Variants in NCOA2 observed in about 807,000 individuals in gnomAD.
NCOA2 encodes class E basic helix-loop-helix protein 75.
A neutral mutation model predicts 145.1 loss-of-function variants in NCOA2; 21 were observed. That is an observed-to-expected ratio of 0.14 (90% confidence interval 0.10 to 0.21). The LOEUF (loss-of-function observed/expected upper bound fraction) is 0.21. Among genes scored for constraint, NCOA2 ranks in the 10% least tolerant of loss-of-function variants. NCOA2 has a pLI of 1.00. For missense variants in NCOA2, 1,472 were observed against 1,837.6 expected, an observed-to-expected ratio of 0.80 and a Z score of 3.64; for synonymous variants, 619 against 637.5, an observed-to-expected ratio of 0.97 and a Z score of 0.44.
chr8:70,217,552 A>G (rs1819742235), intron 2 of NCOA2, among the ~76,000 whole-genome samples: 1 of 152,092 alleles, frequency 6.6e-6, no homozygotes, highest in Admixed American at 6.6e-5. Flanking sequence ...AAGTCAGGGG[A>G]ACTTTACTGA....
intron 22 of NCOA2, among the ~76,000 whole-genome samples, chr8:70,118,533 G>A (rs981351601): frequency 4.6e-5 from 7 of 152,078 alleles, no homozygotes; most frequent in African/African-American, 1.2e-4. Context: ...AAGAGAAACC[G>A]CATGGAGAAT....
In NCOA2 at chr8:70,141,547, A is replaced by G. The variant is rs1031714333; in HGVS notation, c.2813-148T>C. The G allele has an allele frequency of 6.4e-5, 48 of 751,254 alleles. 1 individual carries two copies. Among genetic ancestry groups the G allele is most frequent in the Non-Finnish European group, 2.6e-5 (12 of 453,002 alleles). 46.5% of individuals were successfully genotyped at this position (751,254 alleles called of 1,614,324 possible). A position where few individuals can be genotyped will look rare whatever the true frequency, so the allele number is the denominator to read the frequency against. On this transcript the variant is annotated intron_variant, in intron 13 of 22. Transcript: ENST00000452400. The stretch of plus-strand genomic sequence containing the variant: ...AATGTTCTCATTGGGCAGATGTGGG[A>G]CCTTGGCTAAGAAATAACAATTGGC...
chr8:70,124,575 T>C lies in NCOA2; in HGVS notation c.4094+113A>G, dbSNP rs762272119. The C allele has an allele frequency of 4.0e-5, 44 of 1,105,560 alleles. 1 individual carries two copies. Among genetic ancestry groups the C allele is most frequent in the Non-Finnish European group, 5.5e-5 (44 of 801,380 alleles). 68.5% of individuals were successfully genotyped at this position (1,105,560 alleles called of 1,614,324 possible). ...GCGGTGACCTAGAAGCCATCCTTTATCACTACGTTTGATAAAAACAAACAG... is the reference window on the plus strand; with the variant it reads ...GCGGTGACCTAGAAGCCATCCTTTACCACTACGTTTGATAAAAACAAACAG... On this transcript the variant is annotated intron_variant, in intron 20 of 22. Coordinates refer to ENST00000452400, the MANE Select transcript of NCOA2 (RefSeq NM_006540.4).
At chr8:70,447,987 C>T in the NCOA2 span, among the ~76,000 whole-genome samples, 158 of 152,202 alleles carry the variant, frequency 1.0e-3, no homozygotes, top group African/African-American at 3.6e-3. Flanking sequence ...GCCTAGCCCC[C>T]GATCTGTTAA....
At chr8:70,401,629 G>C (rs986550899) in intron 1 of NCOA2, among the ~76,000 whole-genome samples, 1 of 152,058 alleles carries the variant, frequency 6.6e-6, no homozygotes, top group African/African-American at 2.4e-5. Context: ...CAAGAAACCA[G>C]TGAAGCCATT....
chr8:70,157,105 A>G lies in NCOA2; in HGVS notation c.1260T>C (p.Ser420=), dbSNP rs1399936232. 1.2e-6 allele frequency: 2 copies of G among 1,613,920 alleles called. No homozygotes were observed. The highest frequency in any genetic ancestry group is 1.7e-6 in the Non-Finnish European group (2 of 1,179,874). Residue 420 remains serine, a synonymous_variant, in exon 11 of 23, where the codon AGT becomes AGC. Transcript: ENST00000452400. The stretch of plus-strand genomic sequence containing the variant: ...CATTTATGGGAAAATTTATATTGCT[A>G]CTGAGGGTCATGTCCTGACCTGGGT... The part of the protein sequence containing the change: ...SGNPGQDMTL[S]SNINFPINGP...
intron 15 of NCOA2, among the ~76,000 whole-genome samples, chr8:70,133,306 C>T (rs973161333): frequency 6.7e-6 from 1 of 150,348 alleles, no homozygotes. Context: ...CATCCTTGAA[C>T]TCCTGGGCTA....
At chr8:70,362,865 C>T (rs917076523) in intron 1 of NCOA2, among the ~76,000 whole-genome samples, 4 of 151,686 alleles carry the variant, frequency 2.6e-5, no homozygotes, top group Non-Finnish European at 5.9e-5. Context: ...ACTGTTTAAG[C>T]CCAGGAGTTT....
At position 70,216,680 on chromosome 8, in the gene NCOA2, A is replaced by G; in HGVS notation, c.66T>C (p.Cys22=). The part of the protein sequence containing the change: ...SRAETRKRKE[C]PDQLGPSPKR... ...CTAACCTGGGTCCAAGTTGGTCAGG[A>G]CATTCCTTGCGCTTTCTTGTCTCTG... Residue 22 remains cysteine (C), a synonymous_variant, in exon 3 of 23, where the codon TGT becomes TGC. Transcript: ENST00000452400. The G allele has an allele frequency of 6.2e-7, 1 of 1,613,634 alleles. No homozygotes were observed. Among genetic ancestry groups the G allele is most frequent in the South Asian group, 1.1e-5 (1 of 91,072 alleles).
At chr8:70,366,848 C>A (rs2131156667) in intron 1 of NCOA2, among the ~76,000 whole-genome samples, 1 of 152,180 alleles carries the variant, frequency 6.6e-6, no homozygotes, top group East Asian at 1.9e-4. Context: ...ACTCCAGTAG[C>A]CACAATTCAC....
chr8:70,353,803 C>T (rs1435285998), intron 1 of NCOA2, among the ~76,000 whole-genome samples: 3 of 152,072 alleles, frequency 2.0e-5, no homozygotes, highest in African/African-American at 4.8e-5. Context: ...TGTAAGCTTG[C>T]GCAGTGTCCT....
chr8:70,365,486 T>C (rs1041590739), intron 1 of NCOA2, among the ~76,000 whole-genome samples: 3 of 152,252 alleles, frequency 2.0e-5, no homozygotes, highest in Non-Finnish European at 4.4e-5. Context: ...ATTATCTATG[T>C]AGTCTCTAAA....
intron 15 of NCOA2, among the ~76,000 whole-genome samples, chr8:70,136,979 T>C (rs1809804447): frequency 6.6e-6 from 1 of 152,234 alleles, no homozygotes; most frequent in East Asian, 1.9e-4. Context: ...ACCTAACTGA[T>C]GGTAACAGAA....
intron 1 of NCOA2, among the ~76,000 whole-genome samples, chr8:70,373,744 C>T (rs1459251867): frequency 2.0e-5 from 3 of 152,058 alleles, no homozygotes; most frequent in East Asian, 1.9e-4. Context: ...GTCAAGTAGA[C>T]AAGGTTCATT....
At chr8:70,126,734 G>T in intron 19 of NCOA2, 79 bp downstream of exon 19, 3 of 1,183,008 alleles carry the variant, frequency 2.5e-6, no homozygotes, top group Non-Finnish European at 3.7e-6. Flanking sequence ...AGAGCTGTGA[G>T]AGAGGAGCTG....
chr8:70,328,664 T>G (rs1183693282), intron 1 of NCOA2, among the ~76,000 whole-genome samples: 1 of 152,172 alleles, frequency 6.6e-6, no homozygotes, highest in Non-Finnish European at 1.5e-5. Context: ...TACACACCTA[T>G]TCATCTGTAC....
At chr8:70,239,553 C>T (rs1334621601) in intron 2 of NCOA2, among the ~76,000 whole-genome samples, 4 of 152,128 alleles carry the variant, frequency 2.6e-5, no homozygotes. Flanking sequence ...CAGCTTTTCT[C>T]CATCTCCTTA....
At chr8:70,312,178 A>G (rs75134428) in intron 1 of NCOA2, among the ~76,000 whole-genome samples, 5,244 of 152,298 alleles carry the variant, frequency 0.034, 301 homozygotes, top group African/African-American at 0.12. Flanking sequence ...TAAATTCACA[A>G]GAACTACAAG....
chr8:70,181,860 C>T (rs961335784), intron 4 of NCOA2, among the ~76,000 whole-genome samples: 1 of 152,184 alleles, frequency 6.6e-6, no homozygotes, highest in African/African-American at 2.4e-5. Flanking sequence ...AACCCAGCAG[C>T]AGTGAGACCT....
Sources: allele counts gnomAD v4.1 joint callset (sites outside exome capture counted in the v4.1 genomes callset), GRCh38; gene constraint gnomAD v4.1.1; transcripts MANE v1.5; gene names NCBI Gene and HGNC (gene_info 2026-07-23, HGNC 2026-07-21).